The following MGAT4C variants were observed in gnomAD, a reference collection of about 807,000 sequenced individuals.
MGAT4C encodes MGAT4 family member C, also known as alpha-1,3-mannosyl-glycoprotein 4-beta-N-acetylglucosaminyltransferase C.
MGAT4C carries 19 observed loss-of-function variants against 40.1 expected under a neutral mutation model. The ratio of observed to expected loss-of-function variants is 0.47; its 90% CI spans 0.33 to 0.70. MGAT4C has a LOEUF of 0.70. MGAT4C is among the 30% of genes least tolerant of loss of function. The pLI, the probability that MGAT4C is intolerant of heterozygous loss-of-function variation, is 0.02. For synonymous variants in MGAT4C, 181 were observed against 187.1 expected (o/e 0.97, Z 0.27); for missense variants, 491 against 563.2 (o/e 0.87, Z 1.30).
intron 2 of MGAT4C, among the ~76,000 whole-genome samples, chr12:86,562,279 G>C (rs1959904862): frequency 6.6e-6 from 1 of 152,112 alleles, no homozygotes; most frequent in African/African-American, 2.4e-5. Flanking sequence ...TTATGTGAGT[G>C]GCTGTCCTGC....
At chr12:86,554,056 C>T (rs1959491145) in intron 2 of MGAT4C, among the ~76,000 whole-genome samples, 2 of 151,616 alleles carry the variant, frequency 1.3e-5, no homozygotes, top group Admixed American at 1.3e-4. Flanking sequence ...TCATAGTTTT[C>T]AACCTCTCTT....
At chr12:86,574,222 C>T (rs1377412254) in intron 2 of MGAT4C, among the ~76,000 whole-genome samples, 1 of 151,682 alleles carries the variant, frequency 6.6e-6, no homozygotes, top group Non-Finnish European at 1.5e-5. Flanking sequence ...GATCCACCTC[C>T]TCAGAAAACT....
rs116565108 is a variant in MGAT4C at position 86,514,737 on chromosome 12, A to T, written c.-228-79472T>A. ...CATTCTTAATTCTATCTGTATCTTT[A>T]ACTGTTCTTTCTCATGAAACTTCAT... On this transcript the variant is annotated intron_variant, in intron 2 of 7. Coordinates refer to the MGAT4C transcript ENST00000548651. Among the ~76,000 whole-genome samples the T allele has an allele frequency of 2.4e-3, 373 of 152,304 alleles. 1 individual carries two copies. Among genetic ancestry groups the T allele is most frequent in the African/African-American group, 8.8e-3 (367 of 41,560 alleles).
At chr12:86,138,389 G>A (rs540613014) in intron 1 of MGAT4C, among the ~76,000 whole-genome samples, 3 of 149,058 alleles carry the variant, frequency 2.0e-5, no homozygotes, top group Non-Finnish European at 4.4e-5. Context: ...ATTCCCACTT[G>A]GATATCAGGC....
intron 1 of MGAT4C, among the ~76,000 whole-genome samples, chr12:86,071,026 T>G (rs138291186): frequency 6.6e-6 from 1 of 152,020 alleles, no homozygotes; most frequent in Admixed American, 6.6e-5. Context: ...ATAAGACAGA[T>G]AGTCTCAAGT....
intron 2 of MGAT4C, among the ~76,000 whole-genome samples, chr12:86,594,731 T>G (rs1961467163): frequency 6.6e-6 from 1 of 152,188 alleles, no homozygotes; most frequent in South Asian, 2.1e-4. Context: ...TTCAGAGAAC[T>G]CCAGCTAACT....
chr12:86,750,098 C>A (rs1216081225), intron 1 of MGAT4C, among the ~76,000 whole-genome samples: 1 of 151,758 alleles, frequency 6.6e-6, no homozygotes, highest in East Asian at 1.9e-4. Context: ...TGGGAAGATT[C>A]TTGAGAAGAG....
chr12:86,602,968 T>C (rs2136461984), intron 2 of MGAT4C, among the ~76,000 whole-genome samples: 1 of 151,558 alleles, frequency 6.6e-6, no homozygotes, highest in Admixed American at 6.6e-5. Context: ...GAGACAACAC[T>C]GATGAATATG....
At chr12:86,680,776 T>C (rs1949967957) in intron 2 of MGAT4C, among the ~76,000 whole-genome samples, 1 of 152,040 alleles carries the variant, frequency 6.6e-6, no homozygotes, top group Non-Finnish European at 1.5e-5. Flanking sequence ...TTGATATTAC[T>C]GAATGTGATA....
At chr12:86,580,637 TG>T (rs1296637355) in intron 2 of MGAT4C, among the ~76,000 whole-genome samples, 1 of 151,488 alleles carries the variant, frequency 6.6e-6, no homozygotes, top group Non-Finnish European at 1.5e-5. Flanking sequence ...TACTATGTGA[TG>T]GGTGTAATTA....
chr12:86,778,868 A>C (rs1031536625), intron 1 of MGAT4C, among the ~76,000 whole-genome samples: 3 of 151,972 alleles, frequency 2.0e-5, no homozygotes, highest in Non-Finnish European at 2.9e-5. Flanking sequence ...AACCGGTTCC[A>C]TATAAAACAA....
chr12:86,083,521 T>C (rs1232952385), intron 1 of MGAT4C, among the ~76,000 whole-genome samples: 1 of 152,028 alleles, frequency 6.6e-6, no homozygotes, highest in Non-Finnish European at 1.5e-5. Context: ...GTATCTGCAC[T>C]CTAGTTACAA....
At chr12:86,719,169 G>A (rs886882706) in intron 2 of MGAT4C, among the ~76,000 whole-genome samples, 5 of 152,090 alleles carry the variant, frequency 3.3e-5, no homozygotes, top group Middle Eastern at 3.2e-3. Flanking sequence ...GTCCACCTTC[G>A]TATCACAAGT....
intron 1 of MGAT4C, among the ~76,000 whole-genome samples, chr12:86,141,484 A>C (rs1566042203): frequency 6.6e-6 from 1 of 152,168 alleles, no homozygotes; most frequent in East Asian, 1.9e-4. Context: ...TTATCACATA[A>C]ATCTTTTCAT....
At chr12:86,464,481 AT>A (rs60395857) in intron 2 of MGAT4C, among the ~76,000 whole-genome samples, 151,685 of 152,248 alleles carry the variant, frequency 1, 75,562 homozygotes, top group Middle Eastern at 1. Context: ...CTTATATTTG[AT>A]TATAACCATC....
At position 86,608,695 on chromosome 12, in the gene MGAT4C, T is replaced by C. The variant is rs565048885; in HGVS notation, c.-229+118514A>G. 6.6e-5 allele frequency among the ~76,000 whole-genome samples: 10 copies of C among 151,498 alleles called. No homozygotes were observed. In the South Asian group the frequency reaches 2.1e-3, roughly 32 times the overall value. On this transcript the variant is annotated intron_variant, in intron 2 of 7. Transcript: ENST00000548651. ...ATAAAATGTACTGCAATATTTTAAATAAACCAGTATGTAAAAAAAAAAAAT... is the reference window on the plus strand; with the variant it reads ...ATAAAATGTACTGCAATATTTTAAACAAACCAGTATGTAAAAAAAAAAAAT...
chr12:86,644,151 G>A (rs1287596818), intron 2 of MGAT4C, among the ~76,000 whole-genome samples: 1 of 151,536 alleles, frequency 6.6e-6, no homozygotes, highest in Non-Finnish European at 1.5e-5. Flanking sequence ...CATAGACTGT[G>A]TGTGAATGGA....
chr12:86,311,402 C>G (rs1592681899), intron 4 of MGAT4C, among the ~76,000 whole-genome samples: 2 of 152,302 alleles, frequency 1.3e-5, no homozygotes, highest in South Asian at 4.1e-4. Flanking sequence ...CGGTCTGTCG[C>G]TGACTGAAAC....
At chr12:86,122,142 T>C (rs1223848287) in intron 1 of MGAT4C, among the ~76,000 whole-genome samples, 1 of 152,162 alleles carries the variant, frequency 6.6e-6, no homozygotes, top group African/African-American at 2.4e-5. Flanking sequence ...AGAAAATTAA[T>C]ACCATGTTTC....
Sources: gnomAD v4.1 joint callset for allele counts (sites outside exome capture counted in the v4.1 genomes callset) on GRCh38, gnomAD v4.1.1 for gene constraint, MANE v1.5 for transcripts, NCBI Gene and HGNC (gene_info 2026-07-23, HGNC 2026-07-21) for gene names.